The following NBEA variants were observed in gnomAD, a reference collection of about 807,000 sequenced individuals.
NBEA encodes the protein neurobeachin.
A neutral mutation model predicts 343.4 loss-of-function variants in NBEA; 44 were observed. The observed-to-expected ratio is 0.13, with a 90% CI of 0.10 to 0.16. NBEA has a LOEUF of 0.16. Among genes scored for constraint, NBEA ranks in the 10% least tolerant of loss-of-function variants. The pLI, the probability that NBEA is intolerant of heterozygous loss-of-function variation, is 1.00. For missense variants in NBEA, 2,555 were observed against 3,631.3 expected (o/e 0.70, Z 7.62); for synonymous variants, 1,175 against 1,238.7 (o/e 0.95, Z 1.08).
intron 35 of NBEA, among the ~76,000 whole-genome samples, chr13:35,308,057 C>T (rs551120291): frequency 6.6e-6 from 1 of 151,880 alleles, no homozygotes; most frequent in African/African-American, 2.4e-5. Flanking sequence ...TTGGGAGATT[C>T]AGGATTTGTT....
intron 18 of NBEA, among the ~76,000 whole-genome samples, chr13:35,145,688 A>T (rs1276553736): frequency 6.6e-6 from 1 of 152,246 alleles, no homozygotes; most frequent in East Asian, 1.9e-4. Flanking sequence ...CAGTCAAGGC[A>T]TAAAGGGATA....
chr13:35,190,955 A>G (rs1026806194), intron 30 of NBEA, among the ~76,000 whole-genome samples: 17 of 152,284 alleles, frequency 1.1e-4, no homozygotes, highest in African/African-American at 4.1e-4. Context: ...TGTAATAAAG[A>G]ACCAAATAGA....
chr13:35,335,507 C>G (rs999924986), intron 36 of NBEA, among the ~76,000 whole-genome samples: 1 of 151,812 alleles, frequency 6.6e-6, no homozygotes, highest in Admixed American at 6.6e-5. Context: ...TTGATGTTCT[C>G]TTTGATTTGT....
chr13:34,957,822 T>TA (rs1287800896), intron 1 of NBEA, among the ~76,000 whole-genome samples: 3 of 152,146 alleles, frequency 2.0e-5, no homozygotes, highest in Admixed American at 2.0e-4. Context: ...TTAAATAACT[T>TA]ACGCAAGACT....
At chr13:35,068,084 G>A (rs1247316855) in intron 8 of NBEA, among the ~76,000 whole-genome samples, 1 of 151,994 alleles carries the variant, frequency 6.6e-6, no homozygotes, top group African/African-American at 2.4e-5. Flanking sequence ...AATACTGCAA[G>A]TAAGGAAAGA....
chr13:35,250,125 A>G (rs2031777676), intron 34 of NBEA, among the ~76,000 whole-genome samples: 1 of 152,154 alleles, frequency 6.6e-6, no homozygotes, highest in South Asian at 2.1e-4. Context: ...GTTTTGCAAG[A>G]TGAAAAACCT....
chr13:35,396,572 A>G (rs1378076211), intron 38 of NBEA, among the ~76,000 whole-genome samples: 2 of 152,124 alleles, frequency 1.3e-5, no homozygotes, highest in African/African-American at 4.8e-5. Context: ...TTTGTAGCTT[A>G]TCAGACAGGG....
chr13:35,256,948 G>A (rs1187127399), intron 34 of NBEA, among the ~76,000 whole-genome samples: 1 of 152,184 alleles, frequency 6.6e-6, no homozygotes, highest in Non-Finnish European at 1.5e-5. Context: ...TGGGACTCCT[G>A]CCCTGCCAAC....
At chr13:35,650,202 G>T (rs1317579969) in intron 52 of NBEA, among the ~76,000 whole-genome samples, 3 of 152,044 alleles carry the variant, frequency 2.0e-5, no homozygotes, top group African/African-American at 7.2e-5. Context: ...TTTGAATATG[G>T]GTTTCTGGAT....
intron 45 of NBEA, among the ~76,000 whole-genome samples, chr13:35,580,884 A>C (rs1032119514): frequency 2.0e-5 from 3 of 152,238 alleles, no homozygotes; most frequent in Non-Finnish European, 4.4e-5. Context: ...GACTTTGATG[A>C]AACTTGTGTA....
At chr13:35,079,261 T>C (rs567621920) in intron 10 of NBEA, among the ~76,000 whole-genome samples, 11 of 152,318 alleles carry the variant, frequency 7.2e-5, no homozygotes, top group African/African-American at 2.6e-4. Flanking sequence ...CTAATTCCTT[T>C]TGGTAACTTC....
chr13:35,193,585 AG>A (rs1447342173), intron 30 of NBEA, among the ~76,000 whole-genome samples: 1 of 151,878 alleles, frequency 6.6e-6, no homozygotes, highest in Non-Finnish European at 1.5e-5. Context: ...TTCTCTGACA[AG>A]ATTTTATTAA....
chr13:35,415,174 T>G (rs1410873036), intron 38 of NBEA, among the ~76,000 whole-genome samples: 1 of 152,212 alleles, frequency 6.6e-6, no homozygotes, highest in Non-Finnish European at 1.5e-5. Flanking sequence ...TTTCTCCCAT[T>G]CTGTAGGTTG....
At position 35,567,027 on chromosome 13, in the gene NBEA, A is replaced by G. The variant is rs781337465; in HGVS notation, c.7035+10A>G. 6.9e-7 allele frequency: 1 copy of G among 1,448,232 alleles called. No individual in the cohort carries two copies. The highest frequency in any genetic ancestry group is 9.7e-7 in the Non-Finnish European group (1 of 1,031,938). The allele number at this position is 1,448,232 out of a possible 1,614,324, so 89.7% of individuals were successfully genotyped here. ...CAGGGATCTATCAAAGGTAACTTTT[A>G]AATATATAGAAGTCAGCTTTCTTCA... On this transcript the variant is annotated intron_variant, in intron 45 of 58. Transcript: ENST00000379939.
intron 13 of NBEA, among the ~76,000 whole-genome samples, chr13:35,115,204 T>A (rs192963486): frequency 6.6e-6 from 1 of 152,284 alleles, no homozygotes; most frequent in Admixed American, 6.5e-5. Flanking sequence ...TTTCTACTGC[T>A]TTTTCTCTGC....
At chr13:35,653,645 T>G (rs2084669098) in intron 53 of NBEA, among the ~76,000 whole-genome samples, 1 of 152,238 alleles carries the variant, frequency 6.6e-6, no homozygotes, top group Non-Finnish European at 1.5e-5. Flanking sequence ...ATTCTTAGAT[T>G]CAAATTCATC....
At chr13:35,544,136 A>G (rs996746310) in intron 41 of NBEA, among the ~76,000 whole-genome samples, 1 of 152,228 alleles carries the variant, frequency 6.6e-6, no homozygotes, top group Admixed American at 6.5e-5. Flanking sequence ...ATTGCACCAC[A>G]ACAAGCTCTT....
intron 7 of NBEA, 105 bp downstream of exon 7, chr13:35,056,234 T>C (rs2063254773): frequency 4.1e-6 from 4 of 986,576 alleles, no homozygotes; most frequent in Non-Finnish European, 1.3e-6. Flanking sequence ...CTTAAAACTT[T>C]GAAAGTTTAT....
intron 30 of NBEA, among the ~76,000 whole-genome samples, chr13:35,186,839 G>A (rs892261578): frequency 9.2e-5 from 14 of 152,134 alleles, no homozygotes; most frequent in Admixed American, 7.2e-4. Context: ...TTAATCACCA[G>A]TTCACTTTCG....
Sources: allele counts gnomAD v4.1 joint callset (sites outside exome capture counted in the v4.1 genomes callset), GRCh38; gene constraint gnomAD v4.1.1; transcripts MANE v1.5; gene names NCBI Gene and HGNC (gene_info 2026-07-23, HGNC 2026-07-21).